TENM2: variants seen among roughly 807,000 people sequenced by gnomAD.
The protein encoded by TENM2 is teneurin-2.
In TENM2, 52 loss-of-function variants were observed where a neutral mutation model predicts 245.2. That is an observed-to-expected ratio of 0.21 (90% CI 0.17 to 0.27). The LOEUF (loss-of-function observed/expected upper bound fraction) is 0.27, where lower values mean the gene tolerates loss of function less well. Ranked by LOEUF, TENM2 falls within the 10% of genes least tolerant of loss-of-function variation. The probability of loss-of-function intolerance (pLI) is 1.00; values close to 1 mark genes in which losing one functional copy is unlikely to be tolerated. For missense variants in TENM2, 3,046 were observed against 3,666.8 expected, an observed-to-expected ratio of 0.83 and a Z score of 4.37; for synonymous variants, 1,363 against 1,438.9, an observed-to-expected ratio of 0.95 and a Z score of 1.19.
At chr5:168,112,104 A>C (rs767940243) in intron 9 of TENM2, among the ~76,000 whole-genome samples, 10 of 152,176 alleles carry the variant, frequency 6.6e-5, no homozygotes, top group Admixed American at 2.6e-4. Flanking sequence ...CTGTTCCTTC[A>C]TGGTTTCTAG....
In TENM2 at chr5:167,952,708, G is replaced by A. The variant is rs755626218; in HGVS notation, c.833G>A (p.Arg278Gln). 70 of 1,609,464 alleles carry A rather than the reference G, an allele frequency of 4.3e-5. No homozygotes were observed. The highest frequency in any genetic ancestry group is 5.6e-5 in the Non-Finnish European group (66 of 1,178,540). Residue 278 changes from arginine to glutamine, a missense_variant, in exon 4 of 29, where the codon CGG becomes CAG. This residue lies in a region of TENM2 where 2,704 missense variants were observed against 3,331.9 expected (regional missense o/e 0.81). Coordinates refer to ENST00000518659, the Ensembl canonical transcript of TENM2. Reference sequence around the variant, plus strand: ...CTCAACAGGAACTCACTGACCAATCGGCGGAGTCAGATCCACGCCCCGGCC... The same window carrying A: ...CTCAACAGGAACTCACTGACCAATCAGCGGAGTCAGATCCACGCCCCGGCC...
At chr5:167,358,270 C>A (rs1463557245) in intron 1 of TENM2, among the ~76,000 whole-genome samples, 11 of 152,186 alleles carry the variant, frequency 7.2e-5, no homozygotes, top group Non-Finnish European at 1.3e-4. Flanking sequence ...TACCCCTCCA[C>A]ATAATTGCTC....
chr5:167,118,792 T>C, the TENM2 span, among the ~76,000 whole-genome samples: 1 of 152,204 alleles, frequency 6.6e-6, no homozygotes, highest in South Asian at 2.1e-4. Flanking sequence ...TACGGAGTTC[T>C]GTGTATCTTG....
intron 2 of TENM2, among the ~76,000 whole-genome samples, chr5:167,590,240 A>T (rs2127704230): frequency 6.6e-6 from 1 of 152,168 alleles, no homozygotes; most frequent in South Asian, 2.1e-4. Context: ...TTTCATATGA[A>T]GATATTTCAA....
chr5:168,030,169 T>TTTTTTTTTTTTTTTC (rs1298258519), intron 5 of TENM2, among the ~76,000 whole-genome samples: 82 of 92,990 alleles, frequency 8.8e-4, no homozygotes, highest in African/African-American at 2.5e-3. Flanking sequence ...TTTTTTTTTT[T>TTTTTTTTTTTTTTTC]TTTTTTTTTT....
At chr5:167,516,551 A>T (rs562925162) in intron 2 of TENM2, among the ~76,000 whole-genome samples, 100 of 152,308 alleles carry the variant, frequency 6.6e-4, no homozygotes, top group African/African-American at 1.8e-3. Flanking sequence ...ATTTGCATAT[A>T]TACAAAGACG....
chr5:167,923,451 G>A (rs1281863874), intron 3 of TENM2, among the ~76,000 whole-genome samples: 1 of 152,148 alleles, frequency 6.6e-6, no homozygotes, highest in African/African-American at 2.4e-5. Flanking sequence ...AATAGAAATA[G>A]GATTAATTGA....
intron 2 of TENM2, among the ~76,000 whole-genome samples, chr5:167,830,496 G>T (rs1768371275): frequency 6.6e-6 from 1 of 152,116 alleles, no homozygotes; most frequent in South Asian, 2.1e-4. Context: ...CTAAGCACCT[G>T]CTTGGTTCTA....
rs1434708091 is a variant in TENM2 at position 168,034,183 on chromosome 5, A to G, written c.1187-13244A>G. 2.7e-5 allele frequency among the ~76,000 whole-genome samples: 4 copies of G among 146,590 alleles called. No homozygotes were observed. The East Asian group carries it at 8.0e-4, about 29-fold the overall frequency. ...TATATGTATATATATACACACACAC[A>G]CACACAAAAATTAATCAAGAGTTGT... On this transcript the variant is annotated intron_variant, in intron 5 of 28. Coordinates refer to ENST00000518659, the Ensembl canonical transcript of TENM2.
chr5:167,631,447 G>A (rs918144543), intron 2 of TENM2, among the ~76,000 whole-genome samples: 1 of 152,158 alleles, frequency 6.6e-6, no homozygotes, highest in Non-Finnish European at 1.5e-5. Flanking sequence ...GGCGTGTCCA[G>A]AAATAGAAGT....
At chr5:168,261,267 A>G (rs558465685) in intron 28 of TENM2, among the ~76,000 whole-genome samples, 23 of 152,328 alleles carry the variant, frequency 1.5e-4, no homozygotes, top group Admixed American at 1.1e-3. Context: ...ACTCAAGGCC[A>G]AGGAGATAAT....
At chr5:168,158,873 A>G (rs1218566784) in intron 12 of TENM2, among the ~76,000 whole-genome samples, 2 of 139,322 alleles carry the variant, frequency 1.4e-5, no homozygotes, top group African/African-American at 5.2e-5. Context: ...ACACACATAT[A>G]TATGTATACA....
the TENM2 span, among the ~76,000 whole-genome samples, chr5:167,039,728 T>A: frequency 1.0e-5 from 1 of 95,670 alleles, no homozygotes. Flanking sequence ...ACTTTAAAGA[T>A]GTATTTTTTT....
chr5:167,097,358 T>C, the TENM2 span, among the ~76,000 whole-genome samples: 39 of 152,298 alleles, frequency 2.6e-4, 1 homozygote, highest in South Asian at 7.5e-3. Context: ...CAATATTTAA[T>C]TGGCATCAAG....
Position 167,805,309 on chromosome 5 carries a change from A to G in TENM2, c.503-70677A>G, listed in dbSNP as rs528431280. ...GTGAAGTACAACAATCATGGGGGAT[A>G]CTTATTAAAAGAATAGGTATTGGCT... On this transcript the variant is annotated intron_variant, in intron 2 of 28. Coordinates refer to ENST00000518659, the Ensembl canonical transcript of TENM2. 2.0e-5 allele frequency among the ~76,000 whole-genome samples: 3 copies of G among 152,270 alleles called. No homozygotes were observed. The East Asian group carries it at 5.8e-4, about 29-fold the overall frequency.
chr5:167,618,176 C>T (rs970571075), intron 2 of TENM2, among the ~76,000 whole-genome samples: 1 of 152,108 alleles, frequency 6.6e-6, no homozygotes, highest in African/African-American at 2.4e-5. Context: ...GTATTCTAAG[C>T]ACTTTGCAGG....
chr5:167,366,735 T>C (rs981362186), intron 1 of TENM2, among the ~76,000 whole-genome samples: 2 of 152,148 alleles, frequency 1.3e-5, no homozygotes, highest in African/African-American at 4.8e-5. Context: ...CTTCAGTAAC[T>C]GTAAACTAAC....
chr5:167,929,071 A>AAGAAAGAAAGAAAGAAAGAAAGAG (rs2151689411), intron 3 of TENM2, among the ~76,000 whole-genome samples: 2 of 35,288 alleles, frequency 5.7e-5, no homozygotes, highest in East Asian at 1.7e-3. Flanking sequence ...GAAAGAAAGA[A>AAGAAAGAAAGAAAGAAAGAAAGAG]AGAAAGAAAG....
intron 19 of TENM2, among the ~76,000 whole-genome samples, chr5:168,207,642 G>C (rs1278117162): frequency 6.6e-6 from 1 of 152,182 alleles, no homozygotes; most frequent in Non-Finnish European, 1.5e-5. Flanking sequence ...CCAGCAGAGG[G>C]AGGGAGGGGG....
Sources: allele counts gnomAD v4.1 joint callset (sites outside exome capture counted in the v4.1 genomes callset), GRCh38; gene constraint gnomAD v4.1.1; regional missense constraint gnomAD v4.1.1; transcripts MANE v1.5; gene names NCBI Gene and HGNC (gene_info 2026-07-23, HGNC 2026-07-21).